The following SUMF1 variants were observed in gnomAD, a reference collection of about 807,000 sequenced individuals.
SUMF1 encodes formylglycine-generating enzyme.
A neutral mutation model predicts 47.6 loss-of-function variants in SUMF1; 48 were observed. The observed-to-expected ratio is 1.01, with a 90% CI of 0.80 to 1.28. The LOEUF is 1.28. Among genes scored for constraint, SUMF1 ranks in the 50% most tolerant of loss-of-function variants. The pLI is 0.00. For synonymous variants in SUMF1, 230 were observed against 192.1 expected, an observed-to-expected ratio of 1.20 and a Z score of -1.63; for missense variants, 571 against 485.4, an observed-to-expected ratio of 1.18 and a Z score of -1.66.
At chr3:4,387,755 C>T (rs1325188186) in intron 7 of SUMF1, among the ~76,000 whole-genome samples, 3 of 152,028 alleles carry the variant, frequency 2.0e-5, no homozygotes, top group Non-Finnish European at 2.9e-5. Flanking sequence ...CTCTATCCCA[C>T]AAATTTTGAT....
intron 7 of SUMF1, among the ~76,000 whole-genome samples, chr3:4,385,631 A>G (rs550025433): frequency 5.3e-5 from 8 of 152,182 alleles, no homozygotes; most frequent in Admixed American, 2.6e-4. Context: ...TAGTTTTTAT[A>G]AAGTCCAGTT....
intron 8 of SUMF1, among the ~76,000 whole-genome samples, chr3:4,258,151 T>C (rs1696999072): frequency 6.7e-6 from 1 of 149,780 alleles, no homozygotes; most frequent in African/African-American, 2.5e-5. Context: ...CCTAAAACCA[T>C]AAAAACCCTA....
intron 8 of SUMF1, among the ~76,000 whole-genome samples, chr3:4,131,680 C>T (rs1693793811): frequency 6.6e-6 from 1 of 152,082 alleles, no homozygotes; most frequent in Non-Finnish European, 1.5e-5. Flanking sequence ...AAATTGGTGA[C>T]AAAGAAATTT....
chr3:4,150,316 C>T (rs1190479446), intron 8 of SUMF1, among the ~76,000 whole-genome samples: 1 of 148,880 alleles, frequency 6.7e-6, no homozygotes, highest in East Asian at 1.9e-4. Flanking sequence ...AATCCCAGCA[C>T]TTTGGGAGGC....
chr3:4,197,467 G>A (rs1262673745), intron 8 of SUMF1, among the ~76,000 whole-genome samples: 3 of 152,084 alleles, frequency 2.0e-5, no homozygotes, highest in Non-Finnish European at 4.4e-5. Flanking sequence ...GTTTAGAGAT[G>A]AGAGGGCATG....
chr3:4,248,982 T>C (rs896925474), intron 8 of SUMF1, among the ~76,000 whole-genome samples: 8 of 152,310 alleles, frequency 5.3e-5, no homozygotes, highest in African/African-American at 1.7e-4. Context: ...TTCATGTGCA[T>C]GTGCATCTGC....
intron 9 of SUMF1, among the ~76,000 whole-genome samples, chr3:4,047,269 ATCTCCC>A (rs1695023334): frequency 1.3e-5 from 2 of 151,900 alleles, no homozygotes; most frequent in Admixed American, 1.3e-4. Context: ...CATGTTGTCA[ATCTCCC>A]TCACTGAATC....
At chr3:4,193,977 C>A (rs564831773) in intron 8 of SUMF1, among the ~76,000 whole-genome samples, 1 of 152,068 alleles carries the variant, frequency 6.6e-6, no homozygotes, top group Non-Finnish European at 1.5e-5. Context: ...TACAGGCCAA[C>A]GTAAGTATGC....
At chr3:4,321,414 G>T (rs1698827049) in intron 8 of SUMF1, among the ~76,000 whole-genome samples, 2 of 135,364 alleles carry the variant, frequency 1.5e-5, no homozygotes, top group African/African-American at 5.6e-5. Flanking sequence ...TACTAAAGAA[G>T]GAAATCAACA....
chr3:4,457,888 A>C (rs932636384), intron 1 of SUMF1, among the ~76,000 whole-genome samples: 1 of 152,198 alleles, frequency 6.6e-6, no homozygotes, highest in African/African-American at 2.4e-5. Flanking sequence ...AAAAATAAAC[A>C]AATAGGATTG....
At chr3:4,199,683 T>C (rs1307919274) in intron 8 of SUMF1, among the ~76,000 whole-genome samples, 1 of 152,188 alleles carries the variant, frequency 6.6e-6, no homozygotes, top group Non-Finnish European at 1.5e-5. Flanking sequence ...TGTGTAGTAA[T>C]ATCTCTCCGG....
intron 8 of SUMF1, among the ~76,000 whole-genome samples, chr3:4,249,763 A>G (rs1696751742): frequency 6.6e-6 from 1 of 152,234 alleles, no homozygotes; most frequent in African/African-American, 2.4e-5. Flanking sequence ...AGGCACATTG[A>G]AAGTCAACAA....
chr3:4,130,600 A>C (rs1559495690), intron 8 of SUMF1, among the ~76,000 whole-genome samples: 4 of 152,068 alleles, frequency 2.6e-5, no homozygotes, highest in Non-Finnish European at 5.9e-5. Flanking sequence ...AATCCAACTA[A>C]AATTCGGGGA....
Position 4,215,153 on chromosome 3 carries a change from A to T in SUMF1, c.1015-146408T>A, listed in dbSNP as rs558099568. On this transcript the variant is annotated intron_variant and NMD_transcript_variant, in intron 8 of 12. Coordinates refer to the SUMF1 transcript ENST00000448413. ...CATCGATGCAAAAATCCTCAATAAA[A>T]TACTGGCAAACCAAATCCAGCAGCA... is the stretch of plus-strand genomic sequence containing the variant. Among the ~76,000 whole-genome samples the T allele has an allele frequency of 1.4e-3, 208 of 152,330 alleles. 1 individual carries two copies. Among genetic ancestry groups the T allele is most frequent in the African/African-American group, 4.8e-3 (200 of 41,564 alleles).
chr3:4,235,898 T>C (rs1267199964), intron 8 of SUMF1, among the ~76,000 whole-genome samples: 1 of 152,132 alleles, frequency 6.6e-6, no homozygotes. Context: ...TCCATGGCAG[T>C]GATGAAGCAT....
chr3:4,440,241 C>T (rs1702537653), intron 3 of SUMF1, among the ~76,000 whole-genome samples: 3 of 71,852 alleles, frequency 4.2e-5, no homozygotes, highest in South Asian at 1.4e-3. Flanking sequence ...GAGACTCTGT[C>T]TCAAAAAAAA....
chr3:4,036,811 A>G (rs1694805799), intron 9 of SUMF1, among the ~76,000 whole-genome samples: 1 of 134,742 alleles, frequency 7.4e-6, no homozygotes, highest in Non-Finnish European at 1.6e-5. Context: ...ATTAATTGTT[A>G]GTGTCCAGGC....
At chr3:4,409,858 C>G (rs1438117218) in intron 7 of SUMF1, among the ~76,000 whole-genome samples, 1 of 152,162 alleles carries the variant, frequency 6.6e-6, no homozygotes, top group Non-Finnish European at 1.5e-5. Flanking sequence ...TAAGCATATC[C>G]AACAACTTTA....
chr3:4,269,144 T>C (rs1275419781), intron 8 of SUMF1, among the ~76,000 whole-genome samples: 1 of 152,168 alleles, frequency 6.6e-6, no homozygotes, highest in Non-Finnish European at 1.5e-5. Flanking sequence ...AGATGTGTTT[T>C]GGCTGTCTTT....
Sources: allele counts gnomAD v4.1 joint callset (sites outside exome capture counted in the v4.1 genomes callset), GRCh38; gene constraint gnomAD v4.1.1; transcripts MANE v1.5; gene names NCBI Gene and HGNC (gene_info 2026-07-23, HGNC 2026-07-21).